The following IL3RA variants were observed in gnomAD, a reference collection of about 807,000 sequenced individuals.
The protein encoded by IL3RA is interleukin 3 receptor subunit alpha, also known as interleukin-3 receptor subunit alpha.
In IL3RA, 73 loss-of-function variants were observed where a neutral mutation model predicts 52.3. The ratio of observed to expected loss-of-function variants is 1.40; its 90% CI spans 1.16 to 1.70. The LOEUF is 1.70. IL3RA is among the 40% of genes most tolerant of loss of function. The pLI, the probability that IL3RA is intolerant of heterozygous loss-of-function variation, is 0.00. For synonymous variants in IL3RA, 260 were observed against 194.0 expected, an observed-to-expected ratio of 1.34 and a Z score of -2.83; for missense variants, 664 against 504.4, an observed-to-expected ratio of 1.32 and a Z score of -3.03.
intron 9 of IL3RA, 45 bp from the exon 10 acceptor site, chrX:1,378,614 C>T: frequency 1.3e-6 from 2 of 1,541,058 alleles, no homozygotes; most frequent in South Asian, 2.3e-5. Flanking sequence ...CCTGGTCCCC[C>T]CAGGACGGCC....
intron 3 of IL3RA, among the ~76,000 whole-genome samples, chrX:1,348,033 T>A (rs1186442233): frequency 1.3e-5 from 1 of 75,332 alleles, no homozygotes; most frequent in African/African-American, 5.0e-5. Context: ...CGAGACTCCC[T>A]CTCAAAAAAA....
At chrX:1,355,112 AGAGGAG>A (rs753456162) in intron 6 of IL3RA, among the ~76,000 whole-genome samples, 6 of 31,344 alleles carry the variant, frequency 1.9e-4, no homozygotes, top group African/African-American at 1.1e-3. Context: ...GAGCGGGAGG[AGAGGAG>A]GAGGAGGAGG....
intron 7 of IL3RA, among the ~76,000 whole-genome samples, chrX:1,358,330 C>A (rs1175299152): frequency 6.6e-6 from 1 of 151,958 alleles, no homozygotes; most frequent in African/African-American, 2.4e-5. Flanking sequence ...CCTCACAAAG[C>A]CCCCTCCCAC....
intron 8 of IL3RA, among the ~76,000 whole-genome samples, chrX:1,364,797 T>A (rs7472676): frequency 0.85 from 123,289 of 144,680 alleles, 51,204 homozygotes; most frequent in African/African-American, 0.9. Context: ...TTCTTTTATT[T>A]ATTTATTTAT....
rs150758817 is a variant in IL3RA, at chrX:1,341,765, G to A, written c.-1G>A. ...TCCTGCGTTCCGGAGCTGCGTTCCC[G>A]ATGGTCCTCCTTTGGCTCACGCTGC... is the stretch of plus-strand genomic sequence containing the variant. On this transcript the variant is annotated 5_prime_UTR_variant, in exon 2 of 12. Transcript: ENST00000331035. The A allele has an allele frequency of 3.5e-5, 57 of 1,613,762 alleles. No homozygotes were observed. The African/African-American group carries it at 4.3e-4, about 12-fold the overall frequency.
intron 9 of IL3RA, 94 bp from the exon 10 acceptor site, chrX:1,378,565 C>A: frequency 9.1e-7 from 1 of 1,095,730 alleles, no homozygotes; most frequent in African/African-American, 1.5e-5. Flanking sequence ...ATGGCAGCCA[C>A]CTCTCTGCTT....
At chrX:1,381,648 G>A (rs1447695385) in intron 11 of IL3RA, among the ~76,000 whole-genome samples, 4 of 151,470 alleles carry the variant, frequency 2.6e-5, no homozygotes, top group Non-Finnish European at 4.4e-5. Context: ...AGGTTCAAGC[G>A]ATTGTCCTGC....
chrX:1,352,019 C>T lies in IL3RA; in HGVS notation c.299-81C>T, dbSNP rs2086108654. On this transcript the variant is annotated intron_variant, in intron 4 of 11. Transcript: ENST00000331035. The stretch of plus-strand genomic sequence containing the variant: ...ACCTCATGTGATCCACCCGCCTCGG[C>T]CTCCCAAAATGCTGGGGTGACAGGC... 3 of 1,544,252 alleles carry T rather than the reference C, an allele frequency of 1.9e-6. No homozygotes were observed. The Admixed American group carries it at 5.8e-5, about 30-fold the overall frequency.
In IL3RA at chrX:1,365,274, C is replaced by A. The variant is rs185400450; in HGVS notation, c.874+22C>A. On this transcript the variant is annotated intron_variant, in intron 9 of 11. Coordinates refer to ENST00000331035, the MANE Select transcript of IL3RA (RefSeq NM_002183.4). The stretch of plus-strand genomic sequence containing the variant: ...TTCGGTGAGTGGGCTGTGCGGGGTG[C>A]GCGGGGTGAGCGGGGTGAGCGGGGT... 8.1e-4 allele frequency: 1,148 copies of A among 1,423,550 alleles called. 19 individuals carry two copies. The African/African-American group carries it at 0.015, about 19-fold the overall frequency. The allele number at this position is 1,423,550 out of a possible 1,614,324, so 88.2% of individuals were successfully genotyped here. A position where few individuals can be genotyped will look rare whatever the true frequency, so the allele number is the denominator to read the frequency against.
intron 3 of IL3RA, among the ~76,000 whole-genome samples, chrX:1,346,390 G>A (rs1444449102): frequency 1.3e-5 from 2 of 151,926 alleles, no homozygotes; most frequent in African/African-American, 4.8e-5. Flanking sequence ...ATTGAGCCGA[G>A]ACTGTGCCAC....
chrX:1,343,979 C>A (rs192413729), intron 2 of IL3RA, among the ~76,000 whole-genome samples: 1 of 151,382 alleles, frequency 6.6e-6, no homozygotes, highest in Non-Finnish European at 1.5e-5. Context: ...TATTTTTAGT[C>A]GCGACGGGGT....
At chrX:1,340,317 T>A (rs2085444063) in intron 1 of IL3RA, among the ~76,000 whole-genome samples, 1 of 152,104 alleles carries the variant, frequency 6.6e-6, no homozygotes, top group Non-Finnish European at 1.5e-5. Context: ...GGTTTCACCA[T>A]GTTAGCCAGG....
At chrX:1,355,536 C>A (rs1227776672) in intron 6 of IL3RA, among the ~76,000 whole-genome samples, 1 of 148,182 alleles carries the variant, frequency 6.7e-6, no homozygotes, top group East Asian at 2.0e-4. Flanking sequence ...GCCAGGCAGC[C>A]GGACACACAG....
At chrX:1,340,946 G>A (rs761703771) in intron 1 of IL3RA, among the ~76,000 whole-genome samples, 36 of 152,180 alleles carry the variant, frequency 2.4e-4, no homozygotes, top group South Asian at 4.1e-4. Context: ...GTGAAACCCC[G>A]TCTCTGCTAA....
At chrX:1,349,719 G>C (rs1361055049) in intron 4 of IL3RA, among the ~76,000 whole-genome samples, 9 of 151,788 alleles carry the variant, frequency 5.9e-5, no homozygotes, top group African/African-American at 2.2e-4. Context: ...CTGGAGTGCA[G>C]TGGTGCGATT....
At chrX:1,368,069 C>T (rs1215561009) in intron 9 of IL3RA, among the ~76,000 whole-genome samples, 1 of 152,092 alleles carries the variant, frequency 6.6e-6, no homozygotes, top group Admixed American at 6.5e-5. Flanking sequence ...ACCATCCCGG[C>T]TAACACGGTG....
chrX:1,346,520 T>C (rs1219639439), intron 3 of IL3RA, among the ~76,000 whole-genome samples: 3 of 151,770 alleles, frequency 2.0e-5, no homozygotes, highest in African/African-American at 7.3e-5. Flanking sequence ...GGCAGGAGAA[T>C]TGCTTGAACC....
At chrX:1,378,845 T>C (rs1603449305) in intron 10 of IL3RA, 81 bp downstream of exon 10, 13 of 1,271,432 alleles carry the variant, frequency 1.0e-5, no homozygotes, top group East Asian at 4.8e-5. Context: ...TCCTGAGAAT[T>C]ATCATTATTA....
In IL3RA at chrX:1,358,897, C is replaced by T; in HGVS notation, c.759+10C>T. 1 of 1,610,110 alleles carries T rather than the reference C, an allele frequency of 6.2e-7. No homozygotes were observed. The highest frequency in any genetic ancestry group is 8.5e-7 in the Non-Finnish European group (1 of 1,177,886). On this transcript the variant is annotated intron_variant, in intron 8 of 11. Coordinates refer to ENST00000331035, the MANE Select transcript of IL3RA (RefSeq NM_002183.4). ...TGTAATCACAGAACAGGTGAGTGTT[C>T]CCTACCCCCAGCCGCTGTACTTGAC... is the stretch of plus-strand genomic sequence containing the variant.
Sources: allele counts gnomAD v4.1 joint callset (sites outside exome capture counted in the v4.1 genomes callset), GRCh38; gene constraint gnomAD v4.1.1; transcripts MANE v1.5; gene names NCBI Gene and HGNC (gene_info 2026-07-23, HGNC 2026-07-21).